Variants in PCDHA12 observed in about 807,000 individuals in gnomAD.
PCDHA12 encodes the protein protocadherin alpha 12.
A neutral mutation model predicts 60.0 loss-of-function variants in PCDHA12; 44 were observed. The observed-to-expected ratio is 0.73, with a 90% confidence interval of 0.58 to 0.94. The LOEUF is 0.94. Ranked by LOEUF, PCDHA12 falls within the 40% of genes least tolerant of loss-of-function variation. The pLI is 0.00. For synonymous variants in PCDHA12, 569 were observed against 553.0 expected (o/e 1.03, Z -0.40); for missense variants, 1,276 against 1,239.7 (o/e 1.03, Z -0.44).
In PCDHA12 at chr5:140,968,269, T is replaced by C. The variant is rs558051125; in HGVS notation, c.2368-10680T>C. On this transcript the variant is annotated intron_variant, in intron 1 of 3. Coordinates refer to ENST00000398631, the MANE Select transcript of PCDHA12 (RefSeq NM_018903.4). ...CCACAGACCCAGATGAAAAGGAGAATGCAGAGGTGACCTACTCCCTTCTGG... is the reference window on the plus strand; with the variant it reads ...CCACAGACCCAGATGAAAAGGAGAACGCAGAGGTGACCTACTCCCTTCTGG... 6.9e-5 allele frequency: 112 copies of C among 1,614,074 alleles called. 2 individuals carry two copies. In the South Asian group the frequency reaches 1.1e-3, roughly 16 times the overall value.
chr5:140,938,166 G>A (rs2091953104), intron 1 of PCDHA12, among the ~76,000 whole-genome samples: 2 of 151,980 alleles, frequency 1.3e-5, no homozygotes, highest in South Asian at 4.1e-4. Flanking sequence ...GGCTAGTCTG[G>A]AGCTCCTGGG....
intron 1 of PCDHA12, among the ~76,000 whole-genome samples, chr5:140,897,022 A>G (rs1009125089): frequency 2.6e-5 from 4 of 152,142 alleles, no homozygotes; most frequent in Non-Finnish European, 2.9e-5. Flanking sequence ...CAACTAAATT[A>G]TTTAGACCAT....
In PCDHA12 at chr5:140,875,833, G is replaced by T. The variant is rs782436615; in HGVS notation, c.361G>T (p.Val121Leu). Reference protein sequence around the residue: ...DRPLQVFHVDVEVKDINDNPP... With the variant: ...DRPLQVFHVDLEVKDINDNPP... The stretch of plus-strand genomic sequence containing the variant: ...GCCGCTGCAGGTTTTCCATGTGGAC[G>T]TGGAGGTGAAGGACATTAACGACAA... Residue 121 changes from valine to leucine, a missense_variant, in exon 1 of 4, where the codon GTG (valine) becomes TTG (leucine). Physicochemically the swap from Val to Leu is conservative, Grantham distance 32. Coordinates refer to ENST00000398631, the MANE Select transcript of PCDHA12 (RefSeq NM_018903.4). 2.3e-5 allele frequency: 37 copies of T among 1,614,100 alleles called. No homozygotes were observed. The Admixed American group carries it at 6.0e-4, about 26-fold the overall frequency.
At position 140,944,959 on chromosome 5, in the gene PCDHA12, A is replaced by C. The variant is rs183198577; in HGVS notation, c.2368-33990A>C. Among the ~76,000 whole-genome samples, 72 of 152,254 alleles carry C rather than the reference A, an allele frequency of 4.7e-4. No individual in the cohort carries two copies. The East Asian group carries it at 0.012, about 25-fold the overall frequency. ...TTAGATGATTGTGAATAAGAGTATT[A>C]TCTTAACCTCTCTGGTGGGTCTACT... On this transcript the variant is annotated intron_variant, in intron 1 of 3. Coordinates refer to ENST00000398631, the MANE Select transcript of PCDHA12 (RefSeq NM_018903.4).
intron 1 of PCDHA12, among the ~76,000 whole-genome samples, chr5:140,904,015 AT>A (rs1171166257): frequency 6.6e-6 from 1 of 152,234 alleles, no homozygotes; most frequent in Non-Finnish European, 1.5e-5. Flanking sequence ...ACTTTAAAAA[AT>A]AATGGTATAA....
chr5:140,967,627 C>T (rs1218869340), intron 1 of PCDHA12: 5 of 1,614,158 alleles, frequency 3.1e-6, no homozygotes, highest in South Asian at 2.2e-5. Context: ...CGGATGAGGG[C>T]TCCAATGGTG....
chr5:140,949,976 TACTTA>T (rs2094437494), intron 1 of PCDHA12, among the ~76,000 whole-genome samples: 1 of 151,940 alleles, frequency 6.6e-6, no homozygotes, highest in Admixed American at 6.6e-5. Flanking sequence ...ACAGCATACA[TACTTA>T]ACTTTTCTCA....
rs555659207 is a variant in PCDHA12, at chr5:140,967,475, C to A, written c.2368-11474C>A. 2.5e-6 allele frequency: 4 copies of A among 1,613,342 alleles called. No homozygotes were observed. In the East Asian group the frequency reaches 8.9e-5, roughly 36 times the overall value. On this transcript the variant is annotated intron_variant, in intron 1 of 3. Coordinates refer to ENST00000398631, the MANE Select transcript of PCDHA12 (RefSeq NM_018903.4). ...AGCCGTGGATGGGGGCATCCCAGCC[C>A]GCTCGGGTACGGCACAGATCTCTGT...
intron 1 of PCDHA12, among the ~76,000 whole-genome samples, chr5:140,962,103 T>C (rs1401131367): frequency 1.3e-5 from 2 of 152,020 alleles, no homozygotes; most frequent in African/African-American, 4.8e-5. Flanking sequence ...GCCAGGATGG[T>C]CTCGATCTCC....
chr5:140,904,826 T>C (rs1251990612), intron 1 of PCDHA12, among the ~76,000 whole-genome samples: 1 of 152,206 alleles, frequency 6.6e-6, no homozygotes. Flanking sequence ...GAGCATTTTT[T>C]TATATGTTTC....
In PCDHA12 at chr5:141,011,084, C is replaced by T. The variant is rs928216799; in HGVS notation, c.*1147C>T. 1.3e-5 allele frequency: 2 copies of T among 153,722 alleles called. No homozygotes were observed. The highest frequency in any genetic ancestry group is 6.5e-5 in the Admixed American group (1 of 15,272). The allele number at this position is 153,722 out of a possible 1,614,324, so 9.5% of individuals were successfully genotyped here. A position where few individuals can be genotyped will look rare whatever the true frequency, so the allele number is the denominator to read the frequency against. ...CATGTATTACTAAATAAAATGATCT[C>T]TCTTTCTCTCTCTCTCTCTCTTTTC... On this transcript the variant is annotated 3_prime_UTR_variant, in exon 4 of 4. Coordinates refer to ENST00000398631, the MANE Select transcript of PCDHA12 (RefSeq NM_018903.4).
At chr5:140,942,601 GT>G (rs1453167051) in intron 1 of PCDHA12, among the ~76,000 whole-genome samples, 1 of 130,480 alleles carries the variant, frequency 7.7e-6, no homozygotes, top group Non-Finnish European at 1.6e-5. Flanking sequence ...TAATTATAGT[GT>G]TTATATTTGC....
At chr5:140,942,618 G>A (rs2093340526) in intron 1 of PCDHA12, among the ~76,000 whole-genome samples, 1 of 97,740 alleles carries the variant, frequency 1.0e-5, no homozygotes. Context: ...TTTGCCAATT[G>A]TAAAAAAAAA....
intron 1 of PCDHA12, among the ~76,000 whole-genome samples, chr5:140,972,811 G>A (rs1458279738): frequency 2.6e-5 from 4 of 151,876 alleles, no homozygotes; most frequent in African/African-American, 4.8e-5. Flanking sequence ...TTACAGGCAC[G>A]CGCCACCACG....
At position 140,875,832 on chromosome 5, in the gene PCDHA12, C is replaced by A; in HGVS notation, c.360C>A (p.Asp120Glu). Residue 120 changes from aspartate to glutamate, a missense_variant, in exon 1 of 4, where the codon GAC (aspartate) becomes GAA (glutamate). Physicochemically the swap from Asp to Glu is conservative, Grantham distance 45. Coordinates refer to ENST00000398631, the MANE Select transcript of PCDHA12 (RefSeq NM_018903.4). Reference sequence around the variant, plus strand: ...GGCCGCTGCAGGTTTTCCATGTGGACGTGGAGGTGAAGGACATTAACGACA... The same window carrying A: ...GGCCGCTGCAGGTTTTCCATGTGGAAGTGGAGGTGAAGGACATTAACGACA... ...VDRPLQVFHVDVEVKDINDNP... is the reference protein window; with the variant it reads ...VDRPLQVFHVEVEVKDINDNP... 1.2e-6 allele frequency: 2 copies of A among 1,614,086 alleles called. No homozygotes were observed. Among genetic ancestry groups the A allele is most frequent in the South Asian group, 1.1e-5 (1 of 91,072 alleles).
At chr5:140,967,014 G>T in intron 1 of PCDHA12, 1 of 1,606,958 alleles carries the variant, frequency 6.2e-7, no homozygotes, top group Non-Finnish European at 8.5e-7. Flanking sequence ...AACCATCTGG[G>T]TGCGCCCAGT....
intron 1 of PCDHA12, among the ~76,000 whole-genome samples, chr5:140,885,980 C>T (rs888571995): frequency 6.6e-6 from 1 of 151,942 alleles, no homozygotes; most frequent in African/African-American, 2.4e-5. Flanking sequence ...ATTATAGATT[C>T]GCATGTGGTT....
intron 1 of PCDHA12, chr5:140,927,163 GC>G: frequency 6.2e-7 from 1 of 1,614,176 alleles, no homozygotes; most frequent in East Asian, 2.2e-5. Flanking sequence ...CAGGGCCAAA[GC>G]TGCCTGCGTC....
At chr5:140,958,867 T>C (rs1312043891) in intron 1 of PCDHA12, among the ~76,000 whole-genome samples, 1 of 152,146 alleles carries the variant, frequency 6.6e-6, no homozygotes, top group Non-Finnish European at 1.5e-5. Context: ...ACTGGGTTTA[T>C]AAAAGAATTG....
Sources: gnomAD v4.1 joint callset for allele counts (sites outside exome capture counted in the v4.1 genomes callset) on GRCh38, gnomAD v4.1.1 for gene constraint, MANE v1.5 for transcripts, NCBI Gene and HGNC (gene_info 2026-07-23, HGNC 2026-07-21) for gene names.